Variants in FTCDNL1 observed in about 807,000 individuals in gnomAD.
FTCDNL1 encodes the protein formiminotransferase N-terminal subdomain-containing protein.
In FTCDNL1, 11 loss-of-function variants were observed where a neutral mutation model predicts 5.9. That is an observed-to-expected ratio of 1.87 (90% CI 1.18 to 3.10). The LOEUF is 3.10. Among genes scored for constraint, FTCDNL1 ranks in the 30% most tolerant of loss-of-function variants. The pLI, the probability that FTCDNL1 is intolerant of heterozygous loss-of-function variation, is 0.00. For missense variants in FTCDNL1, 115 were observed against 65.5 expected (o/e 1.76, Z -2.61); for synonymous variants, 58 against 24.8 (o/e 2.34, Z -3.99).
intron 3 of FTCDNL1, among the ~76,000 whole-genome samples, chr2:199,802,326 T>C (rs181048550): frequency 6.6e-6 from 1 of 152,260 alleles, no homozygotes; most frequent in East Asian, 1.9e-4. Flanking sequence ...AGGAGCTCAA[T>C]AAATATTTAT....
chr2:199,721,632 T>A, the FTCDNL1 span, among the ~76,000 whole-genome samples: 1 of 152,226 alleles, frequency 6.6e-6, no homozygotes, highest in Non-Finnish European at 1.5e-5. Flanking sequence ...TTCCTGTAGG[T>A]ATATACCCAG....
At chr2:199,796,787 A>G (rs868130117) in intron 3 of FTCDNL1, among the ~76,000 whole-genome samples, 9 of 152,112 alleles carry the variant, frequency 5.9e-5, no homozygotes, top group African/African-American at 9.7e-5. Context: ...ATCCCATACA[A>G]TCTACACCAA....
chr2:199,813,748 T>A (rs148498761), intron 4 of FTCDNL1, among the ~76,000 whole-genome samples: 1,652 of 151,812 alleles, frequency 0.011, 32 homozygotes, highest in African/African-American at 0.037. Context: ...CCGTCTCTAC[T>A]GAAAATACAA....
intron 3 of FTCDNL1, among the ~76,000 whole-genome samples, chr2:199,796,890 A>G (rs577823605): frequency 6.6e-6 from 1 of 152,328 alleles, no homozygotes; most frequent in East Asian, 1.9e-4. Context: ...ATTAAGTTGT[A>G]GGACTATACG....
At position 199,765,532 on chromosome 2, in the gene FTCDNL1, T is replaced by TTA. The variant is rs1319054963; in HGVS notation, c.212-4699_212-4698dup. Among the ~76,000 whole-genome samples the TTA allele has an allele frequency of 3.9e-3, 314 of 79,572 alleles. 12 individuals are homozygous for TTA. Among genetic ancestry groups the TTA allele is most frequent in the African/African-American group, 0.011 (279 of 26,328 alleles). The allele number at this position is 79,572 out of a possible 152,430, so 52.2% of individuals were successfully genotyped here. A position where few individuals can be genotyped will look rare whatever the true frequency, so the allele number is the denominator to read the frequency against. Reference sequence around the variant, plus strand: ...ACGTGGCATCTCTTTTTTGTCTTCATTATATATATATATATATATATATAT... The same window carrying TTA: ...ACGTGGCATCTCTTTTTTGTCTTCATTATATATATATATATATATATATATAT... On this transcript the variant is annotated intron_variant, in intron 3 of 3. Transcript: ENST00000416668.
chr2:199,680,692 A>G, the FTCDNL1 span, among the ~76,000 whole-genome samples: 1 of 152,218 alleles, frequency 6.6e-6, no homozygotes, highest in Non-Finnish European at 1.5e-5. Context: ...GGGCCGCATC[A>G]GACACTCGCA....
At chr2:199,698,399 G>A in the FTCDNL1 span, among the ~76,000 whole-genome samples, 12 of 152,114 alleles carry the variant, frequency 7.9e-5, no homozygotes, top group East Asian at 5.8e-4. Context: ...AGCAATTCTC[G>A]AAAATTTTTT....
downstream of FTCDNL1, among the ~76,000 whole-genome samples, chr2:199,807,088 C>T (rs1288313077): frequency 1.3e-5 from 2 of 152,104 alleles, no homozygotes; most frequent in South Asian, 2.1e-4. Context: ...GCGTATGGGT[C>T]GGGGTATTTG....
intron 3 of FTCDNL1, among the ~76,000 whole-genome samples, chr2:199,802,651 CA>C (rs1465037763): frequency 6.6e-6 from 1 of 152,120 alleles, no homozygotes; most frequent in African/African-American, 2.4e-5. Context: ...TTGGCTATTT[CA>C]AGATAGTGGG....
the FTCDNL1 span, among the ~76,000 whole-genome samples, chr2:199,749,676 G>T: frequency 6.6e-6 from 1 of 152,128 alleles, no homozygotes; most frequent in Non-Finnish European, 1.5e-5. Context: ...AAAAACTCTA[G>T]AAGGTGCATG....
downstream of FTCDNL1, among the ~76,000 whole-genome samples, chr2:199,804,727 TCTC>T (rs955063066): frequency 6.6e-5 from 10 of 152,310 alleles, no homozygotes; most frequent in African/African-American, 2.2e-4. Flanking sequence ...TTTTCTGCCT[TCTC>T]CTTTCCCTCT....
the FTCDNL1 span, among the ~76,000 whole-genome samples, chr2:199,739,625 G>A: frequency 6.6e-6 from 1 of 152,008 alleles, no homozygotes; most frequent in African/African-American, 2.4e-5. Flanking sequence ...ACAGCCTCAG[G>A]GTGACTACAA....
rs2076864826 is a variant in FTCDNL1 at position 199,851,041 on chromosome 2, T to G, written c.-309A>C. ...GAGCTCTCGAACCAGCGGCCGCGCCTGCCGCTCTGCGGTTTGGGAGGGGAG... is the reference window on the plus strand; with the variant it reads ...GAGCTCTCGAACCAGCGGCCGCGCCGGCCGCTCTGCGGTTTGGGAGGGGAG... On this transcript the variant is annotated 5_prime_UTR_variant, in exon 1 of 5. Transcript: ENST00000420128. 1 of 149,936 alleles carries G rather than the reference T, an allele frequency of 6.7e-6. No individual in the cohort carries two copies. The highest frequency in any genetic ancestry group is 2.4e-5 in the African/African-American group (1 of 41,140). 9.3% of individuals were successfully genotyped at this position (149,936 alleles called of 1,614,324 possible). A position where few individuals can be genotyped will look rare whatever the true frequency, so the allele number is the denominator to read the frequency against.
At chr2:199,749,245 T>C in the FTCDNL1 span, among the ~76,000 whole-genome samples, 1 of 152,224 alleles carries the variant, frequency 6.6e-6, no homozygotes, top group Non-Finnish European at 1.5e-5. Flanking sequence ...GCCTAGGAGT[T>C]CCTGAGGGGG....
At chr2:199,728,396 G>A in the FTCDNL1 span, among the ~76,000 whole-genome samples, 1,797 of 152,060 alleles carry the variant, frequency 0.012, 27 homozygotes, top group East Asian at 0.073. Context: ...ATAGGCTCCC[G>A]CCACCATGCC....
intron 3 of FTCDNL1, among the ~76,000 whole-genome samples, chr2:199,785,782 G>C (rs566221886): frequency 6.6e-6 from 1 of 152,182 alleles, no homozygotes; most frequent in Middle Eastern, 3.4e-3. Flanking sequence ...CACCATGCCT[G>C]GCTCACTTGA....
At chr2:199,848,667 C>G (rs924176349) in intron 2 of FTCDNL1, among the ~76,000 whole-genome samples, 181 bp downstream of exon 2, 1 of 152,228 alleles carries the variant, frequency 6.6e-6, no homozygotes, top group African/African-American at 2.4e-5. Flanking sequence ...ATGTGCACAT[C>G]TGAGTAACTG....
At chr2:199,713,428 T>C in the FTCDNL1 span, among the ~76,000 whole-genome samples, 1 of 152,256 alleles carries the variant, frequency 6.6e-6, no homozygotes, top group East Asian at 1.9e-4. Context: ...TTGGGAGAGC[T>C]TCCCAGACAT....
chr2:199,720,132 G>A, the FTCDNL1 span, among the ~76,000 whole-genome samples: 299 of 152,256 alleles, frequency 2.0e-3, 2 homozygotes, highest in African/African-American at 6.8e-3. Context: ...GAAGTCTTTA[G>A]GGTTTTCTAG....
Sources: gnomAD v4.1 joint callset for allele counts (sites outside exome capture counted in the v4.1 genomes callset) on GRCh38, gnomAD v4.1.1 for gene constraint, MANE v1.5 for transcripts, NCBI Gene and HGNC (gene_info 2026-07-23, HGNC 2026-07-21) for gene names.